CACNA2D3: variants seen among roughly 807,000 people sequenced by gnomAD.
CACNA2D3 encodes the protein voltage-dependent calcium channel subunit alpha-2/delta-3.
A neutral mutation model predicts 160.6 loss-of-function variants in CACNA2D3; 60 were observed. That is an observed-to-expected ratio of 0.37 (90% CI 0.30 to 0.46). The LOEUF is 0.46. Ranked by LOEUF, CACNA2D3 falls within the 20% of genes least tolerant of loss-of-function variation. The probability of loss-of-function intolerance (pLI) is 1.00; values close to 1 mark genes in which losing one functional copy is unlikely to be tolerated. For missense variants in CACNA2D3, 1,205 were observed against 1,365.0 expected, an observed-to-expected ratio of 0.88 and a Z score of 1.85; for synonymous variants, 558 against 492.9, an observed-to-expected ratio of 1.13 and a Z score of -1.75.
intron 2 of CACNA2D3, among the ~76,000 whole-genome samples, chr3:54,168,131 G>C (rs969471118): frequency 6.6e-6 from 1 of 152,108 alleles, no homozygotes; most frequent in Admixed American, 6.5e-5. Flanking sequence ...GCCAGCTCAG[G>C]GCTGTTCTAT....
At chr3:55,000,635 G>A (rs1433631358) in intron 31 of CACNA2D3, among the ~76,000 whole-genome samples, 1 of 152,158 alleles carries the variant, frequency 6.6e-6, no homozygotes, top group African/African-American at 2.4e-5. Flanking sequence ...ATTTAGTTTA[G>A]CCCCAACATG....
chr3:54,332,309 TCTC>T (rs1704284497), intron 3 of CACNA2D3, among the ~76,000 whole-genome samples: 1 of 152,228 alleles, frequency 6.6e-6, no homozygotes, highest in African/African-American at 2.4e-5. Flanking sequence ...TATTCTCACA[TCTC>T]CTCTCTGATG....
intron 2 of CACNA2D3, among the ~76,000 whole-genome samples, chr3:54,255,227 A>G (rs1348872790): frequency 6.6e-6 from 1 of 152,246 alleles, no homozygotes; most frequent in Admixed American, 6.5e-5. Flanking sequence ...AAAACCGTCT[A>G]AGCCTTCAAA....
At chr3:54,463,583 G>C (rs1195919259) in intron 4 of CACNA2D3, among the ~76,000 whole-genome samples, 1 of 150,284 alleles carries the variant, frequency 6.7e-6, no homozygotes, top group African/African-American at 2.4e-5. Flanking sequence ...TGAGGCTTCT[G>C]CATTCTTCAC....
At position 55,007,825 on chromosome 3, in the gene CACNA2D3, C is replaced by T. The variant is rs756693317; in HGVS notation, c.2802C>T (p.Ile934=). The change falls in exon 33 of 38, where the codon ATC becomes ATT. Residue 934 remains isoleucine (I), a synonymous_variant. Transcript: ENST00000474759. ...CCTTCCTCTCTGCAGTAAAATGGAT[C>T]ATGACAGAACTTGTCTTGTAAGTAA... is the stretch of plus-strand genomic sequence containing the variant. ...YNAFLSAVKW[I]MTELVLFLVE... is the part of the protein sequence containing the mutation. The T allele has an allele frequency of 1.3e-6, 2 of 1,556,262 alleles. No individual in the cohort carries two copies. Among genetic ancestry groups the T allele is most frequent in the East Asian group, 2.3e-5 (1 of 43,188 alleles).
chr3:54,687,340 A>G (rs1205936724), intron 11 of CACNA2D3, among the ~76,000 whole-genome samples: 1 of 143,482 alleles, frequency 7.0e-6, no homozygotes, highest in Non-Finnish European at 1.5e-5. Flanking sequence ...TTTAATGGAG[A>G]CGGGGTTTCA....
intron 35 of CACNA2D3, among the ~76,000 whole-genome samples, chr3:55,068,593 T>C (rs1049397515): frequency 2.9e-4 from 44 of 152,352 alleles, no homozygotes; most frequent in African/African-American, 1.0e-3. Context: ...TCCTAAATAT[T>C]CTTAAATACT....
chr3:54,451,229 CTTTTTTTTTTTTTTTTTTT>C (rs71074970), intron 4 of CACNA2D3, among the ~76,000 whole-genome samples: 4 of 51,732 alleles, frequency 7.7e-5, no homozygotes, highest in Admixed American at 3.4e-4. Context: ...ATATAATAAT[CTTTTTTTTTTTTTTTTTTT>C]TTTTTTTTTT....
chr3:54,404,337 A>G (rs1699531478), intron 4 of CACNA2D3, among the ~76,000 whole-genome samples: 1 of 152,186 alleles, frequency 6.6e-6, no homozygotes, highest in Non-Finnish European at 1.5e-5. Flanking sequence ...TAAGACTAGC[A>G]TATACAAATT....
intron 2 of CACNA2D3, among the ~76,000 whole-genome samples, chr3:54,185,335 G>T (rs1700861430): frequency 6.6e-6 from 1 of 152,076 alleles, no homozygotes; most frequent in South Asian, 2.1e-4. Flanking sequence ...TTGGAGCAAA[G>T]AATTTTGAGA....
intron 13 of CACNA2D3, among the ~76,000 whole-genome samples, chr3:54,808,868 G>A (rs1295947018): frequency 1.3e-5 from 2 of 152,118 alleles, no homozygotes; most frequent in African/African-American, 4.8e-5. Context: ...CATGAGGTTG[G>A]TGATTACTGT....
intron 9 of CACNA2D3, among the ~76,000 whole-genome samples, chr3:54,582,538 C>T (rs1702695159): frequency 6.6e-6 from 1 of 152,186 alleles, no homozygotes; most frequent in Non-Finnish European, 1.5e-5. Flanking sequence ...CCGCAACCAC[C>T]ACTATACCAC....
chr3:55,000,092 C>G (rs541892801), intron 31 of CACNA2D3, among the ~76,000 whole-genome samples: 5 of 152,072 alleles, frequency 3.3e-5, no homozygotes, highest in Non-Finnish European at 7.3e-5. Flanking sequence ...AAGAATACAC[C>G]CCCACTGCTG....
intron 16 of CACNA2D3, among the ~76,000 whole-genome samples, chr3:54,840,430 A>C (rs1698793927): frequency 1.7e-5 from 1 of 58,868 alleles, no homozygotes; most frequent in Non-Finnish European, 3.0e-5. Flanking sequence ...TTTTTTTTTG[A>C]GATGGACTCT....
chr3:54,154,539 A>G (rs1269484469), intron 2 of CACNA2D3, among the ~76,000 whole-genome samples: 4 of 150,104 alleles, frequency 2.7e-5, no homozygotes, highest in African/African-American at 9.8e-5. Flanking sequence ...TTCCCCCCCG[A>G]ATGATTATTG....
At chr3:54,908,533 T>A (rs1457793715) in intron 27 of CACNA2D3, among the ~76,000 whole-genome samples, 2 of 152,060 alleles carry the variant, frequency 1.3e-5, no homozygotes, top group Admixed American at 1.3e-4. Context: ...CTGGGCAACA[T>A]GGTGAAACAC....
chr3:54,720,949 T>C (rs1701157527), intron 11 of CACNA2D3, among the ~76,000 whole-genome samples: 1 of 152,172 alleles, frequency 6.6e-6, no homozygotes, highest in Non-Finnish European at 1.5e-5. Context: ...TATTGTATAA[T>C]TTAATCTTAC....
In CACNA2D3 at chr3:54,729,133, A is replaced by G. The variant is rs577172458; in HGVS notation, c.1168-23466A>G. Among the ~76,000 whole-genome samples, 12 of 152,016 alleles carry G rather than the reference A, an allele frequency of 7.9e-5. No homozygotes were observed. The East Asian group carries it at 1.9e-3, about 25-fold the overall frequency. ...CTGTTTGGCTTTCATGCCCTTCCCTATGATCTCTAACTCCTGGCCTCATGT... is the reference window on the plus strand; with the variant it reads ...CTGTTTGGCTTTCATGCCCTTCCCTGTGATCTCTAACTCCTGGCCTCATGT... On this transcript the variant is annotated intron_variant, in intron 11 of 37. Transcript: ENST00000474759.
At chr3:54,156,760 CT>C (rs1450730287) in intron 2 of CACNA2D3, among the ~76,000 whole-genome samples, 1 of 152,204 alleles carries the variant, frequency 6.6e-6, no homozygotes, top group Non-Finnish European at 1.5e-5. Context: ...GAGGGAGCCA[CT>C]TTGGAAGTGG....
Sources: gnomAD v4.1 joint callset for allele counts (sites outside exome capture counted in the v4.1 genomes callset) on GRCh38, gnomAD v4.1.1 for gene constraint, MANE v1.5 for transcripts, NCBI Gene and HGNC (gene_info 2026-07-23, HGNC 2026-07-21) for gene names.